MITF: variants seen among roughly 807,000 people sequenced by gnomAD.
MITF encodes the protein microphthalmia-associated transcription factor.
A neutral mutation model predicts 60.5 loss-of-function variants in MITF; 17 were observed. The ratio of observed to expected loss-of-function variants is 0.28; its 90% CI spans 0.19 to 0.42. The LOEUF (loss-of-function observed/expected upper bound fraction) is 0.42. MITF is among the 10% of genes least tolerant of loss of function. The probability of loss-of-function intolerance (pLI) is 1.00; values close to 1 mark genes in which losing one functional copy is unlikely to be tolerated. For missense variants in MITF, 622 were observed against 683.5 expected (o/e 0.91, Z 1.00); for synonymous variants, 260 against 248.5 (o/e 1.05, Z -0.43).
chr3:69,848,987 C>T (rs1451598517), intron 1 of MITF, among the ~76,000 whole-genome samples: 3 of 101,532 alleles, frequency 3.0e-5, no homozygotes, highest in Admixed American at 1.5e-4. Context: ...TTTTTTGAGA[C>T]GGAGTCTCGC....
chr3:69,762,749 C>T (rs62250968), intron 1 of MITF: 76,315 of 222,246 alleles, frequency 0.34, 14,756 homozygotes, highest in Non-Finnish European at 0.42. Context: ...AAGATTGAAT[C>T]CTCATCTCTC....
At chr3:69,765,096 C>G (rs552333030) in intron 1 of MITF, among the ~76,000 whole-genome samples, 1 of 152,064 alleles carries the variant, frequency 6.6e-6, no homozygotes, top group Non-Finnish European at 1.5e-5. Context: ...ACTGCAGTCC[C>G]GTGGAAACAG....
intron 1 of MITF, among the ~76,000 whole-genome samples, chr3:69,877,107 T>G (rs1418310241): frequency 6.6e-6 from 1 of 152,228 alleles, no homozygotes; most frequent in Non-Finnish European, 1.5e-5. Flanking sequence ...AAATTCCCTC[T>G]TGTTACATAC....
At chr3:69,752,063 C>G (rs1208441652) in intron 1 of MITF, 3 of 152,262 alleles carry the variant, frequency 2.0e-5, no homozygotes, top group Non-Finnish European at 4.4e-5. Flanking sequence ...TCCCCTGAAG[C>G]TGAGCAGATG....
intron 7 of MITF, among the ~76,000 whole-genome samples, chr3:69,953,840 T>C (rs2066330105): frequency 6.6e-6 from 1 of 151,782 alleles, no homozygotes; most frequent in Non-Finnish European, 1.5e-5. Context: ...TATTGCTGAG[T>C]AAGATGAGCA....
At chr3:69,948,895 G>C (rs552899523) in intron 5 of MITF, among the ~76,000 whole-genome samples, 156 bp from the exon 6 acceptor site, 1 of 152,214 alleles carries the variant, frequency 6.6e-6, no homozygotes, top group South Asian at 2.1e-4. Flanking sequence ...ACCTGTGAAT[G>C]AAAAAGTAAA....
At chr3:69,879,805 G>A (rs2064442960) in intron 2 of MITF, among the ~76,000 whole-genome samples, 1 of 152,112 alleles carries the variant, frequency 6.6e-6, no homozygotes. Context: ...AAATCTGACT[G>A]TTTTAGAGAG....
At chr3:69,764,584 G>A (rs1485917597) in intron 1 of MITF, among the ~76,000 whole-genome samples, 2 of 152,118 alleles carry the variant, frequency 1.3e-5, no homozygotes, top group Non-Finnish European at 2.9e-5. Flanking sequence ...TTTCTGATGT[G>A]CCCTTTAATA....
intron 2 of MITF, among the ~76,000 whole-genome samples, chr3:69,893,130 T>C (rs1029066861): frequency 1.3e-5 from 2 of 152,200 alleles, no homozygotes; most frequent in African/African-American, 4.8e-5. Context: ...ATGATACTGA[T>C]TGCCTTCTCA....
chr3:69,763,734 C>T (rs1280284468), intron 1 of MITF: 9 of 1,345,082 alleles, frequency 6.7e-6, no homozygotes, highest in East Asian at 3.6e-5. Context: ...TTTGGTCAGT[C>T]GAGTTTGGTG....
At chr3:69,808,464 A>G (rs2063046924) in intron 1 of MITF, among the ~76,000 whole-genome samples, 1 of 152,250 alleles carries the variant, frequency 6.6e-6, no homozygotes, top group South Asian at 2.1e-4. Context: ...TCCAATAATC[A>G]GATAGTGAAT....
intron 1 of MITF, among the ~76,000 whole-genome samples, chr3:69,740,831 G>A (rs540547607): frequency 3.9e-4 from 59 of 152,176 alleles, no homozygotes; most frequent in Non-Finnish European, 7.8e-4. Context: ...GGGTGAATGG[G>A]CCTGGCTGGC....
chr3:69,783,624 C>T (rs1400224751), intron 1 of MITF, among the ~76,000 whole-genome samples: 1 of 151,880 alleles, frequency 6.6e-6, no homozygotes, highest in East Asian at 1.9e-4. Context: ...ATGATCTGCC[C>T]AAAGACTAAT....
At chr3:69,938,712 A>G in intron 3 of MITF, 1 of 1,309,076 alleles carries the variant, frequency 7.6e-7, no homozygotes, top group South Asian at 1.9e-5. Flanking sequence ...CAAATACCTG[A>G]GAGCTGTGAT....
intron 2 of MITF, among the ~76,000 whole-genome samples, chr3:69,909,887 A>C (rs769502768): frequency 3.3e-5 from 5 of 152,190 alleles, no homozygotes; most frequent in African/African-American, 4.8e-5. Context: ...AGAAAAGAAA[A>C]ACCCATTTTT....
chr3:69,747,163 A>G (rs1703759067), intron 1 of MITF, among the ~76,000 whole-genome samples: 1 of 152,112 alleles, frequency 6.6e-6, no homozygotes, highest in South Asian at 2.1e-4. Context: ...TCCAGTGGAG[A>G]AGCAGATGGG....
intron 1 of MITF, among the ~76,000 whole-genome samples, chr3:69,786,125 G>A (rs949719657): frequency 1.3e-5 from 2 of 152,206 alleles, no homozygotes; most frequent in Admixed American, 1.3e-4. Flanking sequence ...TCCACTCTTA[G>A]ATTCTAAGGT....
intron 1 of MITF, among the ~76,000 whole-genome samples, chr3:69,808,221 T>A (rs1441159294): frequency 6.6e-6 from 1 of 151,574 alleles, no homozygotes; most frequent in Non-Finnish European, 1.5e-5. Context: ...CTACTTGATA[T>A]AATTGTAAAA....
intron 1 of MITF, among the ~76,000 whole-genome samples, chr3:69,821,556 C>T (rs2063271944): frequency 6.6e-6 from 1 of 151,682 alleles, no homozygotes; most frequent in African/African-American, 2.4e-5. Flanking sequence ...TTTATTGTTC[C>T]AGGTCCTTGA....
Sources: gnomAD v4.1 joint callset for allele counts (sites outside exome capture counted in the v4.1 genomes callset) on GRCh38, gnomAD v4.1.1 for gene constraint, MANE v1.5 for transcripts, NCBI Gene and HGNC (gene_info 2026-07-23, HGNC 2026-07-21) for gene names.